The following ANKRD44 variants were observed in gnomAD, a reference collection of about 807,000 sequenced individuals.
ANKRD44 encodes ankyrin repeat domain 44, also known as serine/threonine-protein phosphatase 6 regulatory ankyrin repeat subunit B.
ANKRD44 carries 35 observed loss-of-function variants against 116.0 expected under a neutral mutation model. The ratio of observed to expected loss-of-function variants is 0.30; its 90% CI spans 0.23 to 0.40. ANKRD44 has a LOEUF of 0.40. Among genes scored for constraint, ANKRD44 ranks in the 10% least tolerant of loss-of-function variants. The pLI, the probability that ANKRD44 is intolerant of heterozygous loss-of-function variation, is 1.00. For missense variants in ANKRD44, 1,014 were observed against 1,242.6 expected (o/e 0.82, Z 2.77); for synonymous variants, 435 against 461.8 (o/e 0.94, Z 0.74).
At position 197,025,209 on chromosome 2, in the gene ANKRD44, G is replaced by A. The variant is rs752257759; in HGVS notation, c.1709C>T (p.Pro570Leu). The change falls in exon 17 of 28, where the codon CCA becomes CTA. Residue 570 changes from proline to leucine, a missense_variant. By Grantham distance (98) the Pro-to-Leu change is moderately conservative. Transcript: ENST00000282272. ...EESDSGATKS[P>L]LHLAAYNGHH... is the part of the protein sequence containing the mutation. Reference sequence around the variant, plus strand: ...CATCTCACTTACAGCTAAGTGGAGTGGACTCTTAGTAGCACCAGAATCTGA... The same window carrying A: ...CATCTCACTTACAGCTAAGTGGAGTAGACTCTTAGTAGCACCAGAATCTGA... 1.2e-6 allele frequency: 2 copies of A among 1,611,958 alleles called. No homozygotes were observed. The highest frequency in any genetic ancestry group is 1.7e-6 in the Non-Finnish European group (2 of 1,178,292).
chr2:197,188,335 A>G (rs1035040737), intron 1 of ANKRD44, among the ~76,000 whole-genome samples: 6 of 152,232 alleles, frequency 3.9e-5, no homozygotes, highest in African/African-American at 1.4e-4. Flanking sequence ...CTTAATGAAT[A>G]AATATGATTT....
intron 2 of ANKRD44, among the ~76,000 whole-genome samples, chr2:197,181,459 C>A (rs569736964): frequency 6.6e-6 from 1 of 152,122 alleles, no homozygotes; most frequent in Non-Finnish European, 1.5e-5. Flanking sequence ...GACTCACAAC[C>A]CTTGGGACTA....
chr2:197,110,305 T>C (rs1049881022), intron 9 of ANKRD44, among the ~76,000 whole-genome samples: 1 of 152,170 alleles, frequency 6.6e-6, no homozygotes, highest in African/African-American at 2.4e-5. Context: ...ATCCTTTATA[T>C]CACATCCTTA....
In ANKRD44 at chr2:196,990,498, G is replaced by A. The variant is rs1007459925; in HGVS notation, c.2924-849C>T. 2.4e-5 allele frequency: 30 copies of A among 1,225,426 alleles called. No homozygotes were observed. In the African/African-American group the frequency reaches 4.4e-4, roughly 18 times the overall value. 75.9% of individuals were successfully genotyped at this position (1,225,426 alleles called of 1,614,324 possible). ...GAAAATGTGAAACAAAACAAAACTG[G>A]GGCCATCTGTGTGACTGTTCCACCC... is the stretch of plus-strand genomic sequence containing the variant. On this transcript the variant is annotated intron_variant, in intron 27 of 27. Coordinates refer to ENST00000282272, the MANE Select transcript of ANKRD44 (RefSeq NM_001195144.2).
In ANKRD44 at chr2:197,034,431, A is replaced by T. The variant is rs373475970; in HGVS notation, c.1651-9164T>A. Among the ~76,000 whole-genome samples the T allele has an allele frequency of 7.1e-4, 107 of 150,134 alleles. 1 individual carries two copies. Among genetic ancestry groups the T allele is most frequent in the South Asian group, 1.7e-3 (8 of 4,628 alleles). ...TCCATGCATTCACATGCTAGTTCTC[A>T]TGCTCAACTACATTCATAAATCCAA... On this transcript the variant is annotated intron_variant, in intron 16 of 27. Coordinates refer to ENST00000282272, the MANE Select transcript of ANKRD44 (RefSeq NM_001195144.2).
intron 6 of ANKRD44, among the ~76,000 whole-genome samples, chr2:197,123,645 T>C (rs1434477526): frequency 6.6e-6 from 1 of 152,014 alleles, no homozygotes; most frequent in Non-Finnish European, 1.5e-5. Context: ...AATAAATAAA[T>C]AAATAAACAA....
At chr2:197,006,463 A>G (rs1347681389) in intron 20 of ANKRD44, among the ~76,000 whole-genome samples, 1 of 152,132 alleles carries the variant, frequency 6.6e-6, no homozygotes, top group African/African-American at 2.4e-5. Context: ...AGAAAGAAAG[A>G]TATCATGATG....
intron 13 of ANKRD44, 65 bp from the exon 14 acceptor site, chr2:197,083,574 G>A (rs2077848093): frequency 6.5e-7 from 1 of 1,544,236 alleles, no homozygotes; most frequent in Admixed American, 1.8e-5. Context: ...GTTGGCACTA[G>A]CACTGGCAGC....
chr2:197,083,586 G>A, intron 13 of ANKRD44, 77 bp from the exon 14 acceptor site: 3 of 1,509,794 alleles, frequency 2.0e-6, no homozygotes, highest in Non-Finnish European at 2.7e-6. Flanking sequence ...ACTGGCAGCA[G>A]TATGCCTAGG....
chr2:197,051,272 T>A (rs2077102064), intron 16 of ANKRD44, among the ~76,000 whole-genome samples: 1 of 152,180 alleles, frequency 6.6e-6, no homozygotes, highest in Non-Finnish European at 1.5e-5. Context: ...TCCTTTCTTA[T>A]CACTTTTAAG....
chr2:197,275,428 CAAAAAAAAA>C (rs527811437), intron 1 of ANKRD44, among the ~76,000 whole-genome samples: 17 of 97,286 alleles, frequency 1.7e-4, no homozygotes, highest in Admixed American at 4.6e-4. Flanking sequence ...CCAGTCTCTT[CAAAAAAAAA>C]AAAAAAAAAA....
At chr2:196,985,075 T>C (rs1348403262), downstream of ANKRD44, among the ~76,000 whole-genome samples, 1 of 152,258 alleles carries the variant, frequency 6.6e-6, no homozygotes, top group Non-Finnish European at 1.5e-5. Context: ...CAAGGCAAGC[T>C]GCCATGTTGT....
At chr2:197,009,473 T>C (rs2076258026) in intron 18 of ANKRD44, among the ~76,000 whole-genome samples, 1 of 151,924 alleles carries the variant, frequency 6.6e-6, no homozygotes, top group African/African-American at 2.4e-5. Flanking sequence ...CCTCCCGAGT[T>C]CAAGTGATTA....
intron 2 of ANKRD44, among the ~76,000 whole-genome samples, chr2:197,162,001 G>C (rs1307307843): frequency 6.6e-6 from 1 of 152,150 alleles, no homozygotes; most frequent in Non-Finnish European, 1.5e-5. Context: ...GACTTGGAGG[G>C]TCTGCTCCTC....
At chr2:197,202,761 A>C (rs1265607005) in intron 1 of ANKRD44, among the ~76,000 whole-genome samples, 1 of 152,030 alleles carries the variant, frequency 6.6e-6, no homozygotes, top group African/African-American at 2.4e-5. Context: ...AAATTTTTGT[A>C]GAGAGGGGGT....
At chr2:197,087,411 T>A (rs540993626) in intron 12 of ANKRD44, among the ~76,000 whole-genome samples, 60 of 152,302 alleles carry the variant, frequency 3.9e-4, no homozygotes, top group Non-Finnish European at 7.6e-4. Context: ...TTAAAGGGCA[T>A]GTAGCTAAAT....
intron 1 of ANKRD44, among the ~76,000 whole-genome samples, chr2:197,283,059 T>G (rs2083310432): frequency 6.6e-6 from 1 of 152,182 alleles, no homozygotes. Flanking sequence ...GAAGAGAACA[T>G]CATAGGAATG....
At chr2:197,068,610 C>T (rs1423375706) in intron 16 of ANKRD44, among the ~76,000 whole-genome samples, 3 of 151,848 alleles carry the variant, frequency 2.0e-5, no homozygotes, top group African/African-American at 7.3e-5. Context: ...AACAAATTTA[C>T]AAGAAAAAAA....
chr2:197,148,863 T>C (rs772895076), intron 2 of ANKRD44, among the ~76,000 whole-genome samples: 4 of 152,210 alleles, frequency 2.6e-5, no homozygotes, highest in Non-Finnish European at 4.4e-5. Flanking sequence ...ATGGCATGCA[T>C]TGGAAAATTC....
Sources: allele counts gnomAD v4.1 joint callset (sites outside exome capture counted in the v4.1 genomes callset), GRCh38; gene constraint gnomAD v4.1.1; transcripts MANE v1.5; gene names NCBI Gene and HGNC (gene_info 2026-07-23, HGNC 2026-07-21).